Variants in MYBPH observed in about 807,000 individuals in gnomAD.
MYBPH encodes myosin-binding protein H.
MYBPH carries 49 observed loss-of-function variants against 53.6 expected under a neutral mutation model. The ratio of observed to expected loss-of-function variants is 0.91; its 90% CI spans 0.73 to 1.16. The LOEUF (loss-of-function observed/expected upper bound fraction) is 1.16, where lower values mean the gene tolerates loss of function less well. Among genes scored for constraint, MYBPH ranks in the 50% most tolerant of loss-of-function variants. MYBPH has a pLI of 0.00. For missense variants in MYBPH, 558 were observed against 624.1 expected (o/e 0.89, Z 1.13); for synonymous variants, 239 against 249.6 (o/e 0.96, Z 0.40).
At chr1:203,177,460 G>A (rs934565131), upstream of MYBPH, among the ~76,000 whole-genome samples, 1 of 152,216 alleles carries the variant, frequency 6.6e-6, no homozygotes, top group Non-Finnish European at 1.5e-5. Context: ...CTTTCCTGAG[G>A]ACTGGGGACA....
chr1:203,170,949 G>A, intron 6 of MYBPH, 112 bp downstream of exon 6: 1 of 1,414,882 alleles, frequency 7.1e-7, no homozygotes, highest in Non-Finnish European at 9.4e-7. Flanking sequence ...GTTAGCAGTG[G>A]GCAGACCAGA....
upstream of MYBPH, among the ~76,000 whole-genome samples, chr1:203,176,422 G>C (rs1342226592): frequency 6.6e-6 from 1 of 152,172 alleles, no homozygotes; most frequent in East Asian, 1.9e-4. Flanking sequence ...GGGGCACTAA[G>C]TCTCCTGGCT....
chr1:203,169,917 G>C (rs979702215), intron 7 of MYBPH, among the ~76,000 whole-genome samples: 1 of 152,186 alleles, frequency 6.6e-6, no homozygotes, highest in Non-Finnish European at 1.5e-5. Flanking sequence ...TTAGGGTTGG[G>C]AGGCTTGTTT....
rs767195524 is a variant in MYBPH at position 203,171,233 on chromosome 1, T to C, written c.794-33A>G. ...CCCAGAGTGTGAGAGGAAGTGAGTG[T>C]GAGGGCCAGGCTGGCCACAGAGCCC... On this transcript the variant is annotated intron_variant, in intron 5 of 10. Coordinates refer to ENST00000255416, the MANE Select transcript of MYBPH (RefSeq NM_004997.3). This position sits in a 1 kb window ranked among gnomAD's most constrained non-coding sequence, Gnocchi z 4.2. 1 of 1,564,970 alleles carries C rather than the reference T, an allele frequency of 6.4e-7. No homozygotes were observed. The highest frequency in any genetic ancestry group is 1.8e-5 in the Admixed American group (1 of 54,560).
intron 3 of MYBPH, 55 bp from the exon 4 acceptor site, chr1:203,172,095 T>C: frequency 8.9e-7 from 1 of 1,123,930 alleles, no homozygotes; most frequent in Non-Finnish European, 1.1e-6. Flanking sequence ...CTGATTGGGG[T>C]TTCTGAGATG....
chr1:203,178,459 C>T (rs1226166112), upstream of MYBPH, among the ~76,000 whole-genome samples: 2 of 152,206 alleles, frequency 1.3e-5, no homozygotes, highest in Non-Finnish European at 2.9e-5. Context: ...GCAGGGACTC[C>T]AGTCCCGAGA....
rs184719950 is a variant in MYBPH at position 203,174,505 on chromosome 1, C to T, written c.433G>A (p.Val145Met). ...GCCCCTGCAGAACTCACTGCAGACA[C>T]GCGCAGGAGGAACTTGTCTCCCAGA... ...LALGDKFLLRVSAVSSAGAGP... is the reference protein window; with the variant it reads ...LALGDKFLLRMSAVSSAGAGP... Residue 145 changes from valine (V) to methionine (M), a missense_variant, in exon 3 of 11, where the codon GTG becomes ATG. Val to Met is a conservative substitution (Grantham distance 21, BLOSUM62 1). Coordinates refer to ENST00000255416, the MANE Select transcript of MYBPH (RefSeq NM_004997.3). 287 of 1,613,558 alleles carry T rather than the reference C, an allele frequency of 1.8e-4. No individual in the cohort carries two copies. The highest frequency in any genetic ancestry group is 5.1e-4 in the East Asian group (23 of 44,858).
chr1:203,178,874 G>A (rs1467731976), upstream of MYBPH: 1 of 152,268 alleles, frequency 6.6e-6, no homozygotes, highest in African/African-American at 2.4e-5. Flanking sequence ...AGATGGGGGA[G>A]GTGAGTCCAG....
Position 203,169,016 on chromosome 1 carries a change from A to G in MYBPH, c.1307T>C (p.Val436Ala), listed in dbSNP as rs772827472. The change falls in exon 9 of 11, where the codon GTC becomes GCC. Residue 436 changes from valine to alanine, a missense_variant. By Grantham distance (64) the Val-to-Ala change is moderately conservative (BLOSUM62 0). Coordinates refer to ENST00000255416, the MANE Select transcript of MYBPH (RefSeq NM_004997.3). ...GGGTTTCCGGATCTCTAGGGTGCAG[A>G]CGCCTTGCTCAGAGAGGGCGCGGTA... is the stretch of plus-strand genomic sequence containing the variant. ...PKYRALSEQGVCTLEIRKPSP... is the reference protein window; with the variant it reads ...PKYRALSEQGACTLEIRKPSP... The G allele has an allele frequency of 1.9e-6, 3 of 1,613,480 alleles. No homozygotes were observed. The highest frequency in any genetic ancestry group is 2.5e-6 in the Non-Finnish European group (3 of 1,180,022).
Position 203,175,339 on chromosome 1 carries a change from A to G in MYBPH, c.328T>C (p.Cys110Arg). 6.6e-7 allele frequency: 1 copy of G among 1,520,660 alleles called. No individual in the cohort carries two copies. The highest frequency in any genetic ancestry group is 8.8e-7 in the Non-Finnish European group (1 of 1,136,908). 94.2% of individuals were successfully genotyped at this position (1,520,660 alleles called of 1,614,324 possible). A position where few individuals can be genotyped will look rare whatever the true frequency, so the allele number is the denominator to read the frequency against. The change falls in exon 2 of 11, where the codon TGC (cysteine) becomes CGC (arginine). Residue 110 changes from cysteine to arginine, a missense_variant. Coordinates refer to ENST00000255416, the MANE Select transcript of MYBPH (RefSeq NM_004997.3). Reference protein sequence around the residue: ...LGLQGYVLELCREGASEWVPV... With the variant: ...LGLQGYVLELRREGASEWVPV... ...GCCCAGCACTCACCTCCCTCTCTGC[A>G]GAGCTCCAGCACATAGCCCTGGAGG...
rs1296975087 is a variant in MYBPH, at chr1:203,168,581, T to C, written c.*32+46A>G. On this transcript the variant is annotated intron_variant, in intron 10 of 10. Transcript: ENST00000255416. ...CTGCTCCTGGCCTCCTCTCTGCTTC[T>C]GTGCTGCCCACAGAGGTAACAGAGT... The C allele has an allele frequency of 2.6e-6, 4 of 1,534,728 alleles. No individual in the cohort carries two copies. In the African/African-American group the frequency reaches 5.5e-5, roughly 21 times the overall value.
At chr1:203,177,742 G>T (rs1157366263), upstream of MYBPH, among the ~76,000 whole-genome samples, 1 of 152,270 alleles carries the variant, frequency 6.6e-6, no homozygotes, top group Non-Finnish European at 1.5e-5. Context: ...CCAGGGGAGG[G>T]CAGTTGGCTG....
upstream of MYBPH, among the ~76,000 whole-genome samples, chr1:203,177,372 G>A (rs991741900): frequency 6.6e-6 from 1 of 152,220 alleles, no homozygotes; most frequent in African/African-American, 2.4e-5. Flanking sequence ...GCACTCTTTA[G>A]CACGTAAGAT....
At chr1:203,168,855 T>A (rs758060925) in intron 9 of MYBPH, 51 bp downstream of exon 9, 3 of 1,603,858 alleles carry the variant, frequency 1.9e-6, no homozygotes, top group Admixed American at 3.4e-5. Flanking sequence ...CTGCCTCTAG[T>A]CCAGTTCCAG....
Position 203,175,536 on chromosome 1 carries a change from C to T in MYBPH, c.205+15G>A, listed in dbSNP as rs1207683971. 3.1e-6 allele frequency: 5 copies of T among 1,613,332 alleles called. No homozygotes were observed. Among genetic ancestry groups the T allele is most frequent in the East Asian group, 2.2e-5 (1 of 44,828 alleles). ...ATGCCTGCCTCCCTCCTCCCCCTGC[C>T]CCACCTTCAGTCACCTTCACTTGGG... is the stretch of plus-strand genomic sequence containing the variant. On this transcript the variant is annotated intron_variant, in intron 1 of 10. Transcript: ENST00000255416.
chr1:203,174,718 C>G (rs951534851), intron 2 of MYBPH, 121 bp from the exon 3 acceptor site: 1 of 1,089,388 alleles, frequency 9.2e-7, no homozygotes, highest in African/African-American at 1.6e-5. Context: ...CCTCATTTTC[C>G]CCTTGTTTGC....
intron 6 of MYBPH, among the ~76,000 whole-genome samples, chr1:203,170,750 G>A (rs1432383529): frequency 1.3e-5 from 2 of 152,216 alleles, no homozygotes; most frequent in East Asian, 3.9e-4. Context: ...CCCCACCCTG[G>A]ACCTACTGAG....
intron 7 of MYBPH, 139 bp from the exon 8 acceptor site, chr1:203,169,528 A>G (rs765100121): frequency 5.7e-5 from 71 of 1,240,218 alleles, no homozygotes; most frequent in Admixed American, 1.6e-4. Context: ...AAAGAGGCAG[A>G]GAAAGCTGAG....
rs1021348605 is a variant in MYBPH at position 203,169,423 on chromosome 1, G to A, written c.1094-34C>T. 7.1e-6 allele frequency: 11 copies of A among 1,552,702 alleles called. No individual in the cohort carries two copies. The African/African-American group carries it at 1.4e-4, about 19-fold the overall frequency. On this transcript the variant is annotated intron_variant, in intron 7 of 10. Transcript: ENST00000255416. ...AGGGGAGAAAGTCGGGTGCATCTGAGCTTACAGGAGTGAGGGAGACCTGTC... is the reference window on the plus strand; with the variant it reads ...AGGGGAGAAAGTCGGGTGCATCTGAACTTACAGGAGTGAGGGAGACCTGTC...
Sources: allele counts gnomAD v4.1 joint callset (sites outside exome capture counted in the v4.1 genomes callset), GRCh38; gene constraint gnomAD v4.1.1; non-coding constraint Gnocchi (gnomAD v3.1); transcripts MANE v1.5; gene names NCBI Gene and HGNC (gene_info 2026-07-23, HGNC 2026-07-21).